The following RNF130 variants were observed in gnomAD, a reference collection of about 807,000 sequenced individuals.
RNF130 encodes the protein E3 ubiquitin-protein ligase RNF130.
In RNF130, 21 loss-of-function variants were observed where a neutral mutation model predicts 44.6. The ratio of observed to expected loss-of-function variants is 0.47; its 90% CI spans 0.33 to 0.68. The LOEUF (loss-of-function observed/expected upper bound fraction) is 0.68. Ranked by LOEUF, RNF130 falls within the 30% of genes least tolerant of loss-of-function variation. The pLI, the probability that RNF130 is intolerant of heterozygous loss-of-function variation, is 0.02. For missense variants in RNF130, 479 were observed against 560.6 expected (o/e 0.85, Z 1.47); for synonymous variants, 214 against 210.4 (o/e 1.02, Z -0.15).
At chr5:179,939,854 ACAT>A (rs963971076) in intron 7 of RNF130, 1 of 378,272 alleles carries the variant, frequency 2.6e-6, no homozygotes, top group African/African-American at 2.2e-5. Context: ...TTCCCTGAAG[ACAT>A]CATCTGAGTT....
intron 1 of RNF130, among the ~76,000 whole-genome samples, chr5:180,055,455 T>TGTGTGTGTGC (rs1764795911): frequency 6.8e-6 from 1 of 146,700 alleles, no homozygotes; most frequent in Non-Finnish European, 1.5e-5. Context: ...TGTGTGTGCG[T>TGTGTGTGTGC]GTGTGTGTGT....
intron 1 of RNF130, among the ~76,000 whole-genome samples, chr5:180,066,905 G>C (rs559597522): frequency 1.2e-4 from 18 of 152,228 alleles, no homozygotes; most frequent in Non-Finnish European, 2.4e-4. Flanking sequence ...TGCACCTGCA[G>C]TCTCAGCTAC....
At chr5:179,923,598 AGTGCAAAGC>A (rs1287246466) in intron 7 of RNF130, among the ~76,000 whole-genome samples, 3 of 152,238 alleles carry the variant, frequency 2.0e-5, no homozygotes, top group African/African-American at 7.2e-5. Flanking sequence ...GGTGGCCAAC[AGTGCAAAGC>A]GTGTTCAGTG....
At chr5:179,929,138 C>G (rs1761769702) in intron 7 of RNF130, among the ~76,000 whole-genome samples, 1 of 152,124 alleles carries the variant, frequency 6.6e-6, no homozygotes, top group African/African-American at 2.4e-5. Context: ...GTCAATTTTT[C>G]AGTATAGTGT....
Position 179,920,412 on chromosome 5 carries a change from G to A in RNF130, c.1165C>T (p.His389Tyr), listed in dbSNP as rs1029020554. The stretch of plus-strand genomic sequence containing the variant: ...CTCCGAGGGGACAAGGAGTTTCGAT[G>A]AAAGAAGTGACCACCTGGAAAAGGA... The change falls in exon 8 of 8, where the codon CAT becomes TAT. Residue 389 changes from histidine (H) to tyrosine (Y), a missense_variant. Physicochemically the swap from His to Tyr is moderately conservative, Grantham distance 83. Transcript: ENST00000522208. The A allele has an allele frequency of 1.0e-5, 7 of 702,318 alleles. No individual in the cohort carries two copies. The Admixed American group carries it at 1.2e-4, about 12-fold the overall frequency. 43.5% of individuals were successfully genotyped at this position (702,318 alleles called of 1,614,324 possible).
chr5:180,020,065 G>A (rs1763837307), intron 2 of RNF130, among the ~76,000 whole-genome samples: 1 of 152,186 alleles, frequency 6.6e-6, no homozygotes, highest in Non-Finnish European at 1.5e-5. Context: ...CAGGAAGAGA[G>A]GGGGAGAAAG....
intron 7 of RNF130, among the ~76,000 whole-genome samples, chr5:179,942,088 G>C (rs1176873030): frequency 1.3e-5 from 2 of 151,276 alleles, no homozygotes; most frequent in Non-Finnish European, 2.9e-5. Flanking sequence ...CCATTAAATT[G>C]AGTTGAGTGG....
At chr5:180,033,155 ATTTTTTT>A (rs201265884) in intron 2 of RNF130, among the ~76,000 whole-genome samples, 3,721 of 151,328 alleles carry the variant, frequency 0.025, 62 homozygotes, top group Non-Finnish European at 0.037. Context: ...TTTATTTTTT[ATTTTTTT>A]GTAGAGACAG....
At chr5:179,971,294 G>A (rs776601660) in intron 5 of RNF130, among the ~76,000 whole-genome samples, 2 of 152,184 alleles carry the variant, frequency 1.3e-5, no homozygotes, top group Non-Finnish European at 2.9e-5. Context: ...ACAGGGAGAA[G>A]GTGGGTGCCA....
intron 3 of RNF130, among the ~76,000 whole-genome samples, chr5:180,001,618 T>C (rs774792003): frequency 7.4e-4 from 112 of 152,282 alleles, no homozygotes; most frequent in Non-Finnish European, 5.0e-4. Context: ...CAGGGCTCAG[T>C]GGCAACTTAG....
chr5:180,015,294 T>C, intron 2 of RNF130: 1 of 518,546 alleles, frequency 1.9e-6, no homozygotes, highest in Non-Finnish European at 4.0e-6. Flanking sequence ...CGGGCCATGA[T>C]CTGTGGTATA....
chr5:179,981,163 G>A (rs894543900), intron 3 of RNF130, among the ~76,000 whole-genome samples: 9 of 144,252 alleles, frequency 6.2e-5, no homozygotes, highest in African/African-American at 2.3e-4. Flanking sequence ...ATAAATAGGT[G>A]TAAAGAACAG....
intron 1 of RNF130, among the ~76,000 whole-genome samples, chr5:180,052,951 C>G (rs1228272523): frequency 1.3e-5 from 2 of 152,044 alleles, no homozygotes; most frequent in African/African-American, 2.4e-5. Context: ...AGGCAGGTCT[C>G]AAGATTGGCC....
At chr5:179,990,764 G>A (rs770589045) in intron 3 of RNF130, among the ~76,000 whole-genome samples, 1 of 152,210 alleles carries the variant, frequency 6.6e-6, no homozygotes, top group African/African-American at 2.4e-5. Context: ...TCACACTCTT[G>A]TCTTCTGGTC....
chr5:180,029,902 G>A (rs760824334), intron 2 of RNF130, among the ~76,000 whole-genome samples: 8 of 150,648 alleles, frequency 5.3e-5, no homozygotes, highest in African/African-American at 9.8e-5. Context: ...AGGCTAGAGC[G>A]CAGTGGCACA....
downstream of RNF130, among the ~76,000 whole-genome samples, chr5:179,951,177 A>C (rs1762118752): frequency 6.6e-6 from 1 of 152,182 alleles, no homozygotes; most frequent in Non-Finnish European, 1.5e-5. Context: ...CCCCGTATGC[A>C]CCTAACAACA....
intron 1 of RNF130, among the ~76,000 whole-genome samples, chr5:180,060,666 A>G (rs1442163694): frequency 6.6e-6 from 1 of 152,202 alleles, no homozygotes; most frequent in Middle Eastern, 3.2e-3. Flanking sequence ...CCTTATTAAA[A>G]GTTCTGTGTA....
chr5:179,937,321 T>C (rs753003163), intron 7 of RNF130, among the ~76,000 whole-genome samples: 1 of 152,208 alleles, frequency 6.6e-6, no homozygotes, highest in Non-Finnish European at 1.5e-5. Flanking sequence ...GCCTAGTATC[T>C]GGAATGTATA....
At chr5:180,011,703 G>C (rs1763599329) in intron 3 of RNF130, among the ~76,000 whole-genome samples, 1 of 152,030 alleles carries the variant, frequency 6.6e-6, no homozygotes, top group Admixed American at 6.6e-5. Context: ...GGAGCTGGAG[G>C]CTGCAGTGAG....
Sources: allele counts gnomAD v4.1 joint callset (sites outside exome capture counted in the v4.1 genomes callset), GRCh38; gene constraint gnomAD v4.1.1; transcripts MANE v1.5; gene names NCBI Gene and HGNC (gene_info 2026-07-23, HGNC 2026-07-21).